The following VDAC1 variants were observed in gnomAD, a reference collection of about 807,000 sequenced individuals.
VDAC1 encodes the protein non-selective voltage-gated ion channel VDAC1.
In VDAC1, 10 loss-of-function variants were observed where a neutral mutation model predicts 34.7. That is an observed-to-expected ratio of 0.29 (90% CI 0.18 to 0.49). The LOEUF (loss-of-function observed/expected upper bound fraction) is 0.49. Ranked by LOEUF, VDAC1 falls within the 20% of genes least tolerant of loss-of-function variation. The pLI, the probability that VDAC1 is intolerant of heterozygous loss-of-function variation, is 0.99. For synonymous variants in VDAC1, 130 were observed against 136.0 expected (o/e 0.96, Z 0.30); for missense variants, 230 against 347.9 (o/e 0.66, Z 2.69).
the VDAC1 span, among the ~76,000 whole-genome samples, chr5:134,066,683 C>T: frequency 6.6e-6 from 1 of 152,206 alleles, no homozygotes; most frequent in Non-Finnish European, 1.5e-5. Flanking sequence ...GCTCTGTCAT[C>T]TTCAATACAC....
the VDAC1 span, among the ~76,000 whole-genome samples, chr5:134,079,718 AGCCCCAGGCCTTCCCAGGTGAGTTGCT>A: frequency 6.6e-5 from 10 of 152,292 alleles, no homozygotes; most frequent in East Asian, 3.9e-4. Flanking sequence ...GGCAGCACAA[AGCCCCAGGCCTTCCCAGGTGAGTTGCT>A]GCCCCAGGCC....
chr5:134,096,339 G>A, the VDAC1 span, among the ~76,000 whole-genome samples: 4 of 152,232 alleles, frequency 2.6e-5, no homozygotes, highest in Non-Finnish European at 5.9e-5. Flanking sequence ...TCCATGCCAG[G>A]TGACAAGGCA....
chr5:133,975,992 A>G lies in VDAC1; in HGVS notation c.581T>C (p.Ile194Thr), dbSNP rs754604715. The G allele has an allele frequency of 6.2e-7, 1 of 1,613,994 alleles. No homozygotes were observed. Residue 194 changes from isoleucine (I) to threonine (T), a missense_variant, in exon 7 of 9, where the codon ATT becomes ACT. Physicochemically the swap from Ile to Thr is moderately conservative, Grantham distance 89. Transcript: ENST00000265333. The part of the protein sequence containing the change: ...VNDGTEFGGS[I>T]YQKVNKKLET... ...CAACTTCTTGTTCACTTTCTGGTAA[A>G]TGGAGCCGCCAAACTCTGTCCCGTC...
chr5:134,080,043 G>C, the VDAC1 span, among the ~76,000 whole-genome samples: 17 of 152,338 alleles, frequency 1.1e-4, no homozygotes, highest in East Asian at 3.1e-3. Flanking sequence ...TTGCTTACAG[G>C]GGACGTGAGG....
chr5:133,976,934 C>T (rs1752503462), intron 6 of VDAC1, among the ~76,000 whole-genome samples: 1 of 152,102 alleles, frequency 6.6e-6, no homozygotes, highest in African/African-American at 2.4e-5. Context: ...ATCCCAGCAA[C>T]CTGGGGGGGT....
At chr5:134,051,931 C>T in the VDAC1 span, among the ~76,000 whole-genome samples, 792 of 152,190 alleles carry the variant, frequency 5.2e-3, 5 homozygotes, top group African/African-American at 0.019. Context: ...CTCCTGAGCT[C>T]AGGTGATCCG....
the VDAC1 span, among the ~76,000 whole-genome samples, chr5:134,013,750 C>CTGGCCAACA: frequency 2.0e-5 from 3 of 151,386 alleles, no homozygotes; most frequent in African/African-American, 7.3e-5. Context: ...CAAGACCATC[C>CTGGCCAACA]TGGCCAACAT....
Position 133,991,169 on chromosome 5 carries a change from GAA to G in VDAC1, c.118-17_118-16del, listed in dbSNP as rs766409628. 1.0e-5 allele frequency: 16 copies of G among 1,606,996 alleles called. No individual in the cohort carries two copies. Among genetic ancestry groups the G allele is most frequent in the Non-Finnish European group, 3.4e-6 (4 of 1,179,986 alleles). On this transcript the variant is annotated splice_polypyrimidine_tract_variant and intron_variant, in intron 3 of 8. Coordinates refer to ENST00000265333, the MANE Select transcript of VDAC1 (RefSeq NM_003374.3). ...CTTGTAAATTCCTTCAAAGGAGAGA[GAA>G]GAGTCACAGCCTGCACCATAGCACT... is the stretch of plus-strand genomic sequence containing the variant.
chr5:133,982,716 C>G (rs1752746769), intron 5 of VDAC1, among the ~76,000 whole-genome samples: 1 of 151,546 alleles, frequency 6.6e-6, no homozygotes, highest in Admixed American at 6.6e-5. Flanking sequence ...ATGGCAAAAC[C>G]CCATCTCTAC....
chr5:134,080,625 A>G, the VDAC1 span, among the ~76,000 whole-genome samples: 22 of 152,294 alleles, frequency 1.4e-4, no homozygotes, highest in African/African-American at 5.3e-4. Flanking sequence ...TTGGGGCACC[A>G]ACAACATGAG....
the VDAC1 span, among the ~76,000 whole-genome samples, chr5:134,037,677 TCTC>T: frequency 1.3e-5 from 2 of 152,256 alleles, no homozygotes; most frequent in South Asian, 2.1e-4. Context: ...GCCTGTGACT[TCTC>T]CTTTCCTGAA....
chr5:134,100,049 G>T, the VDAC1 span, among the ~76,000 whole-genome samples: 1 of 152,264 alleles, frequency 6.6e-6, no homozygotes, highest in Non-Finnish European at 1.5e-5. Context: ...TTATGTGGCT[G>T]GCCCTGTGCA....
At chr5:133,983,239 A>G (rs1194808976) in intron 5 of VDAC1, among the ~76,000 whole-genome samples, 1 of 151,432 alleles carries the variant, frequency 6.6e-6, no homozygotes, top group African/African-American at 2.4e-5. Context: ...CAAGAGTGAA[A>G]CTCCATCTTT....
chr5:133,992,455 C>T, intron 2 of VDAC1, 100 bp from the exon 3 acceptor site: 3 of 855,324 alleles, frequency 3.5e-6, no homozygotes, highest in Non-Finnish European at 5.1e-6. Flanking sequence ...TAAAAAGAAG[C>T]ACACTCCTGC....
intron 7 of VDAC1, among the ~76,000 whole-genome samples, chr5:133,974,597 T>A (rs897165160): frequency 8.5e-5 from 13 of 152,224 alleles, no homozygotes; most frequent in Non-Finnish European, 2.9e-5. Flanking sequence ...CTCCCAGCAC[T>A]TTCCTGCTGT....
At chr5:134,007,279 C>G (rs537038327), upstream of VDAC1, among the ~76,000 whole-genome samples, 16 of 151,364 alleles carry the variant, frequency 1.1e-4, no homozygotes, top group Non-Finnish European at 2.1e-4. Flanking sequence ...AGGCACTCAT[C>G]AGTAACTGGG....
At chr5:134,085,722 T>TAAAAAAAA in the VDAC1 span, among the ~76,000 whole-genome samples, 62 of 44,248 alleles carry the variant, frequency 1.4e-3, 13 homozygotes, top group East Asian at 6.4e-3. Flanking sequence ...ACCCCATTTC[T>TAAAAAAAA]AAAAAAAAAA....
At chr5:134,003,837 G>A (rs1753651376) in intron 1 of VDAC1, among the ~76,000 whole-genome samples, 1 of 152,340 alleles carries the variant, frequency 6.6e-6, no homozygotes, top group Admixed American at 6.5e-5. Context: ...CCAGCTGTGT[G>A]ACCTTGTACA....
chr5:134,042,257 G>A, the VDAC1 span, among the ~76,000 whole-genome samples: 1 of 152,126 alleles, frequency 6.6e-6, no homozygotes, highest in Non-Finnish European at 1.5e-5. Flanking sequence ...GGCTTGGGGG[G>A]GACCAGGCCC....
Sources: gnomAD v4.1 joint callset for allele counts (sites outside exome capture counted in the v4.1 genomes callset) on GRCh38, gnomAD v4.1.1 for gene constraint, MANE v1.5 for transcripts, NCBI Gene and HGNC (gene_info 2026-07-23, HGNC 2026-07-21) for gene names.